Variants in UNC13B observed in about 807,000 individuals in gnomAD.
The protein encoded by UNC13B is protein unc-13 homolog B.
Under a neutral mutation model 211.0 loss-of-function variants are expected in UNC13B, and 144 were observed. The observed-to-expected ratio is 0.68, with a 90% CI of 0.60 to 0.78. The LOEUF is 0.78. UNC13B is among the 30% of genes least tolerant of loss of function. The probability of loss-of-function intolerance (pLI) is 0.00; values close to 1 mark genes in which losing one functional copy is unlikely to be tolerated. For synonymous variants in UNC13B, 709 were observed against 725.8 expected, an observed-to-expected ratio of 0.98 and a Z score of 0.37; for missense variants, 1,777 against 2,002.0, an observed-to-expected ratio of 0.89 and a Z score of 2.14.
chr9:35,344,361 TA>T (rs749876671), intron 11 of UNC13B, among the ~76,000 whole-genome samples: 21 of 152,342 alleles, frequency 1.4e-4, no homozygotes, highest in Non-Finnish European at 2.4e-4. Context: ...AAGAGGACTG[TA>T]AGCCATCAAT....
At chr9:35,248,243 C>G (rs1453674423) in intron 6 of UNC13B, among the ~76,000 whole-genome samples, 1 of 152,142 alleles carries the variant, frequency 6.6e-6, no homozygotes, top group South Asian at 2.1e-4. Context: ...ATTCTTCTCT[C>G]TTTTCTTCTT....
intron 1 of UNC13B, among the ~76,000 whole-genome samples, chr9:35,175,340 A>G (rs1821564512): frequency 6.6e-6 from 1 of 152,240 alleles, no homozygotes; most frequent in Admixed American, 6.5e-5. Flanking sequence ...AGCTTGAATT[A>G]AAATACTTAT....
At chr9:35,192,634 C>T (rs1316173561) in intron 1 of UNC13B, among the ~76,000 whole-genome samples, 4 of 152,232 alleles carry the variant, frequency 2.6e-5, no homozygotes, top group African/African-American at 9.6e-5. Flanking sequence ...GAAGTTACTT[C>T]TCTAACTTTG....
chr9:35,201,388 T>G (rs1203463726), intron 1 of UNC13B, among the ~76,000 whole-genome samples: 1 of 152,236 alleles, frequency 6.6e-6, no homozygotes, highest in East Asian at 1.9e-4. Flanking sequence ...TTCTATTGAT[T>G]GGAATAGTTT....
At position 35,364,521 on chromosome 9, in the gene UNC13B, T is replaced by C. The variant is rs1008385803; in HGVS notation, c.9415-2426T>C. ...GACTCTACTAACCTTTCTGCCCTTT[T>C]TTCTGCTCTTTCTCTCCTTGCAGAA... On this transcript the variant is annotated intron_variant, in intron 11 of 39. Transcript: ENST00000635942. 9 of 1,535,922 alleles carry C rather than the reference T, an allele frequency of 5.9e-6. No individual in the cohort carries two copies. In the African/African-American group the frequency reaches 8.2e-5, roughly 14 times the overall value.
At chr9:35,228,420 T>C (rs1824984817) in intron 2 of UNC13B, among the ~76,000 whole-genome samples, 1 of 152,082 alleles carries the variant, frequency 6.6e-6, no homozygotes. Context: ...ATGTGCCATG[T>C]TGGTTTGCTG....
intron 17 of UNC13B, among the ~76,000 whole-genome samples, chr9:35,380,068 A>G (rs920125674): frequency 2.0e-5 from 3 of 152,162 alleles, no homozygotes; most frequent in Admixed American, 2.0e-4. Flanking sequence ...GAACATGTCT[A>G]GCACCTTTAC....
intron 8 of UNC13B, 138 bp from the exon 9 acceptor site, chr9:35,300,028 T>G (rs1829594934): frequency 2.5e-6 from 1 of 395,922 alleles, no homozygotes; most frequent in Non-Finnish European, 4.4e-6. Context: ...TAAAAGAAAT[T>G]AGAACCCTTT....
At chr9:35,400,791 T>C (rs2132380625) in intron 37 of UNC13B, among the ~76,000 whole-genome samples, 1 of 152,242 alleles carries the variant, frequency 6.6e-6, no homozygotes, top group East Asian at 1.9e-4. Flanking sequence ...CCATGAGAAA[T>C]GTGAAGGCTC....
At chr9:35,350,097 G>T (rs1326358356) in intron 11 of UNC13B, among the ~76,000 whole-genome samples, 2 of 152,114 alleles carry the variant, frequency 1.3e-5, no homozygotes, top group African/African-American at 2.4e-5. Context: ...AATATTAGTT[G>T]TCCCATGTGC....
At chr9:35,203,297 G>A (rs1382521198) in intron 1 of UNC13B, among the ~76,000 whole-genome samples, 1 of 152,198 alleles carries the variant, frequency 6.6e-6, no homozygotes, top group African/African-American at 2.4e-5. Flanking sequence ...GCTGGTACTG[G>A]TTGTTCCTTT....
At chr9:35,162,756 T>C (rs1820848270) in intron 1 of UNC13B, among the ~76,000 whole-genome samples, 1 of 152,198 alleles carries the variant, frequency 6.6e-6, no homozygotes, top group South Asian at 2.1e-4. Context: ...ATCCCTTCTA[T>C]TGCTTGTCTT....
intron 1 of UNC13B, among the ~76,000 whole-genome samples, chr9:35,193,983 T>C (rs1302861957): frequency 6.6e-6 from 1 of 152,008 alleles, no homozygotes; most frequent in African/African-American, 2.4e-5. Flanking sequence ...TGACACGCCA[T>C]GTGCTCTCCA....
intron 8 of UNC13B, among the ~76,000 whole-genome samples, chr9:35,299,486 T>C (rs1292621175): frequency 2.6e-5 from 4 of 152,218 alleles, no homozygotes; most frequent in African/African-American, 9.6e-5. Context: ...CTGGTATACT[T>C]TAATATTGCA....
intron 17 of UNC13B, among the ~76,000 whole-genome samples, chr9:35,379,737 A>G (rs538430295): frequency 2.0e-5 from 3 of 152,186 alleles, no homozygotes; most frequent in African/African-American, 7.2e-5. Flanking sequence ...TGATTTGTCT[A>G]TTATCTTCTC....
In UNC13B at chr9:35,274,593, A is replaced by G. The variant is rs563331084; in HGVS notation, c.526+15543A>G. Among the ~76,000 whole-genome samples the G allele has an allele frequency of 4.6e-5, 7 of 152,304 alleles. No individual in the cohort carries two copies. In the South Asian group the frequency reaches 1.5e-3, roughly 32 times the overall value. ...CCTGCTAGGACTTCTGACAGCCTTC[A>G]TAAAGAATGCCCCACAATGAAATTT... is the stretch of plus-strand genomic sequence containing the variant. On this transcript the variant is annotated intron_variant, in intron 7 of 39. Coordinates refer to ENST00000635942, the MANE Select transcript of UNC13B (RefSeq NM_001371189.2).
intron 21 of UNC13B, 112 bp from the exon 22 acceptor site, chr9:35,384,134 A>G (rs1399459854): frequency 2.8e-5 from 42 of 1,519,374 alleles, no homozygotes; most frequent in Non-Finnish European, 3.2e-5. Flanking sequence ...CTCCAACCCA[A>G]TGCCTCCCGA....
intron 8 of UNC13B, among the ~76,000 whole-genome samples, chr9:35,297,776 C>G (rs527426708): frequency 3.3e-5 from 5 of 152,016 alleles, no homozygotes; most frequent in Non-Finnish European, 7.4e-5. Flanking sequence ...GTCTCGATCT[C>G]CTGACCTCGT....
chr9:35,379,479 A>T (rs1266083500), intron 17 of UNC13B, among the ~76,000 whole-genome samples: 1 of 152,116 alleles, frequency 6.6e-6, no homozygotes, highest in African/African-American at 2.4e-5. Flanking sequence ...AGGGATTAGG[A>T]TATAGTAAAA....
Sources: allele counts gnomAD v4.1 joint callset (sites outside exome capture counted in the v4.1 genomes callset), GRCh38; gene constraint gnomAD v4.1.1; transcripts MANE v1.5; gene names NCBI Gene and HGNC (gene_info 2026-07-23, HGNC 2026-07-21).